The following PLIN2 variants were observed in gnomAD, a reference collection of about 807,000 sequenced individuals.
The protein encoded by PLIN2 is perilipin 2.
PLIN2 carries 33 observed loss-of-function variants against 30.6 expected under a neutral mutation model. The observed-to-expected ratio is 1.08, with a 90% CI of 0.82 to 1.44. The LOEUF is 1.44. Among genes scored for constraint, PLIN2 ranks in the 40% most tolerant of loss-of-function variants. The pLI, the probability that PLIN2 is intolerant of heterozygous loss-of-function variation, is 0.00. For missense variants in PLIN2, 610 were observed against 531.8 expected (o/e 1.15, Z -1.45); for synonymous variants, 205 against 201.1 (o/e 1.02, Z -0.16).
At position 19,126,398 on chromosome 9, in the gene PLIN2, G is replaced by C; in HGVS notation, c.29C>G (p.Pro10Arg). 1 of 1,613,870 alleles carries C rather than the reference G, an allele frequency of 6.2e-7. No homozygotes were observed. The highest frequency in any genetic ancestry group is 8.5e-7 in the Non-Finnish European group (1 of 1,179,840). ...ACAAAGGCTACTCAAAATTCATACC[G>C]GTTGTGGATCAACTGCAACGGATGC... MASVAVDPQ[P>R]SVVTRVVNLP... Residue 10 changes from proline (P) to arginine (R), a missense_variant and splice_region_variant, in exon 2 of 8, where the codon CCG becomes CGG. Pro to Arg is a moderately radical substitution (Grantham distance 103, BLOSUM62 -2). Transcript: ENST00000276914.
chr9:19,124,017 C>CCA (rs577341505), intron 3 of PLIN2, among the ~76,000 whole-genome samples: 1 of 121,936 alleles, frequency 8.2e-6, no homozygotes, highest in East Asian at 2.4e-4. Flanking sequence ...GACTCCATCT[C>CCA]AAAAAAAAAA....
intron 4 of PLIN2, chr9:19,123,102 A>G: frequency 2.2e-6 from 1 of 451,646 alleles, no homozygotes; most frequent in Non-Finnish European, 4.0e-6. Flanking sequence ...TTAATTTGAA[A>G]CAAAATTTTA....
intron 2 of PLIN2, among the ~76,000 whole-genome samples, chr9:19,109,508 T>TC (rs776871927): frequency 1.8e-4 from 24 of 130,804 alleles, no homozygotes; most frequent in Non-Finnish European, 3.6e-4. Flanking sequence ...TCACCACCAC[T>TC]CCAGCCTGGG....
downstream of PLIN2, among the ~76,000 whole-genome samples, chr9:19,113,758 G>A: frequency 6.8e-6 from 1 of 146,238 alleles, no homozygotes; most frequent in South Asian, 2.2e-4. Flanking sequence ...GGGGTTTTTT[G>A]TTGTTGTTAT....
At chr9:19,116,830 A>C (rs1298422159) in intron 7 of PLIN2, among the ~76,000 whole-genome samples, 181 bp from the exon 8 acceptor site, 1 of 152,184 alleles carries the variant, frequency 6.6e-6, no homozygotes, top group Non-Finnish European at 1.5e-5. Context: ...ATAAGCTTAG[A>C]GTTTAAGTAG....
In PLIN2 at chr9:19,126,400, T is replaced by G; in HGVS notation, c.27A>C (p.Gln9His). 1 of 1,613,932 alleles carries G rather than the reference T, an allele frequency of 6.2e-7. No individual in the cohort carries two copies. Among genetic ancestry groups the G allele is most frequent in the Non-Finnish European group, 8.5e-7 (1 of 1,179,916 alleles). MASVAVDP[Q>H]PSVVTRVVNL... ...AAAGGCTACTCAAAATTCATACCGG[T>G]TGTGGATCAACTGCAACGGATGCCA... Residue 9 changes from glutamine (Q) to histidine (H), a missense_variant, in exon 2 of 8, where the codon CAA becomes CAC. Transcript: ENST00000276914.
chr9:19,113,524 G>A (rs1818182612), downstream of PLIN2, among the ~76,000 whole-genome samples: 1 of 150,234 alleles, frequency 6.7e-6, no homozygotes, highest in Non-Finnish European at 1.5e-5. Flanking sequence ...CAACTCACCT[G>A]TTTACTGATT....
chr9:19,118,429 A>G lies in PLIN2; in HGVS notation c.804T>C (p.Tyr268=), dbSNP rs764836415. ...HLIEFARKNV[Y]SANQKIQDAQ... is the part of the protein sequence containing the mutation. The stretch of plus-strand genomic sequence containing the variant: ...CATCCTGAATTTTCTGATTGGCACT[A>G]TACACATTCTTCCTGGCAAATTCAA... Residue 268 remains tyrosine, a synonymous_variant, in exon 7 of 8, where the codon TAT becomes TAC. Transcript: ENST00000276914. The G allele has an allele frequency of 6.2e-7, 1 of 1,613,742 alleles. No homozygotes were observed. The highest frequency in any genetic ancestry group is 8.5e-7 in the Non-Finnish European group (1 of 1,179,866).
chr9:19,122,925 T>C (rs1181182569), intron 4 of PLIN2, among the ~76,000 whole-genome samples: 2 of 152,164 alleles, frequency 1.3e-5, no homozygotes, highest in Non-Finnish European at 2.9e-5. Context: ...ACCATCTAGG[T>C]TGGTGTGAGT....
chr9:19,113,216 G>A (rs1008848567), downstream of PLIN2, among the ~76,000 whole-genome samples: 7 of 151,732 alleles, frequency 4.6e-5, no homozygotes, highest in African/African-American at 7.3e-5. Flanking sequence ...GGTGGTGCAC[G>A]CCTATACTTG....
chr9:19,114,445 C>G (rs1189260469), downstream of PLIN2, among the ~76,000 whole-genome samples: 2 of 151,558 alleles, frequency 1.3e-5, no homozygotes, highest in African/African-American at 4.8e-5. Flanking sequence ...CACTCTGTTG[C>G]TCAGGTTGGA....
chr9:19,121,052 G>A lies in PLIN2; in HGVS notation c.423C>T (p.Thr141=). ...CCACACTGCCAGTCACTGCCCCTTTGGTCTTGTCCATCACCCCTGTGATCG... is the reference window on the plus strand; with the variant it reads ...CCACACTGCCAGTCACTGCCCCTTTAGTCTTGTCCATCACCCCTGTGATCG... The part of the protein sequence containing the change: ...ASTITGVMDK[T]KGAVTGSVEK... The change falls in exon 5 of 8, where the codon ACC becomes ACT. Residue 141 remains threonine (T), a synonymous_variant. Coordinates refer to ENST00000276914, the MANE Select transcript of PLIN2 (RefSeq NM_001122.4). 2 of 1,614,114 alleles carry A rather than the reference G, an allele frequency of 1.2e-6. No individual in the cohort carries two copies. Among genetic ancestry groups the A allele is most frequent in the Non-Finnish European group, 1.7e-6 (2 of 1,180,022 alleles).
rs779491526 is a variant in PLIN2, at chr9:19,121,190, T to C, written c.310-25A>G. 5 of 1,609,490 alleles carry C rather than the reference T, an allele frequency of 3.1e-6. No homozygotes were observed. The Middle Eastern group carries it at 5.0e-4, about 160-fold the overall frequency. The stretch of plus-strand genomic sequence containing the variant: ...TCTGTAAGTAGAAAAGCAGATCCCC[T>C]GGCTGGTGAGAAAAATGAGCACAAG... On this transcript the variant is annotated intron_variant, in intron 4 of 7. Transcript: ENST00000276914.
At chr9:19,109,510 C>T (rs1818131467) in intron 2 of PLIN2, among the ~76,000 whole-genome samples, 1 of 139,078 alleles carries the variant, frequency 7.2e-6, no homozygotes, top group Non-Finnish European at 1.5e-5. Context: ...ACCACCACTC[C>T]AGCCTGGGCG....
exon 3 of PLIN2, chr9:19,108,726 C>T (rs1218470814): frequency 6.6e-6 from 1 of 152,620 alleles, no homozygotes; most frequent in Non-Finnish European, 1.5e-5. Context: ...GATGTCAAGT[C>T]TATGGTGGTG....
At chr9:19,124,554 CA>C (rs1422316398) in intron 3 of PLIN2, among the ~76,000 whole-genome samples, 1 of 152,184 alleles carries the variant, frequency 6.6e-6, no homozygotes, top group African/African-American at 2.4e-5. Flanking sequence ...CTGGCTTAAC[CA>C]TTTGAAAGAA....
chr9:19,126,379 G>A lies in PLIN2; in HGVS notation c.30+18C>T, dbSNP rs763276525. 2 of 1,613,614 alleles carry A rather than the reference G, an allele frequency of 1.2e-6. No individual in the cohort carries two copies. The highest frequency in any genetic ancestry group is 1.7e-6 in the Non-Finnish European group (2 of 1,179,620). On this transcript the variant is annotated intron_variant, in intron 2 of 7. Transcript: ENST00000276914. Reference sequence around the variant, plus strand: ...ACAAAAGGAGAGAAAGTAGACAAAGGCTACTCAAAATTCATACCGGTTGTG... The same window carrying A: ...ACAAAAGGAGAGAAAGTAGACAAAGACTACTCAAAATTCATACCGGTTGTG...
chr9:19,121,239 G>A (rs1199152237), intron 4 of PLIN2, 74 bp from the exon 5 acceptor site: 1 of 1,329,596 alleles, frequency 7.5e-7, no homozygotes, highest in Non-Finnish European at 1.1e-6. Flanking sequence ...TCTTAACTAA[G>A]GCAGCACAGC....
At position 19,119,808 on chromosome 9, in the gene PLIN2, C is replaced by T; in HGVS notation, c.619G>A (p.Gly207Arg). The T allele has an allele frequency of 2.6e-6, 4 of 1,561,086 alleles. No individual in the cohort carries two copies. The highest frequency in any genetic ancestry group is 3.5e-6 in the Non-Finnish European group (4 of 1,152,408). ...ELEKEAKKVE[G>R]FDLVQKPSYY... ...CTTGGCTTCTGAACCAGATCAAATC[C>T]TTCAACTTTTTTTGCTTCTTTTTCT... Residue 207 changes from glycine (G) to arginine (R), a missense_variant, in exon 6 of 8, where the codon GGA (glycine) becomes AGA (arginine). Transcript: ENST00000276914.
Sources: gnomAD v4.1 joint callset for allele counts (sites outside exome capture counted in the v4.1 genomes callset) on GRCh38, gnomAD v4.1.1 for gene constraint, MANE v1.5 for transcripts, NCBI Gene and HGNC (gene_info 2026-07-23, HGNC 2026-07-21) for gene names.